The following GATD1 variants were observed in gnomAD, a reference collection of about 807,000 sequenced individuals.
GATD1 encodes the protein glutamine amidotransferase-like class 1 domain-containing protein 1.
GATD1 carries 23 observed loss-of-function variants against 25.9 expected under a neutral mutation model. The ratio of observed to expected loss-of-function variants is 0.89; its 90% CI spans 0.64 to 1.26. The LOEUF (loss-of-function observed/expected upper bound fraction) is 1.26, where lower values mean the gene tolerates loss of function less well. Ranked by LOEUF, GATD1 falls within the 50% of genes most tolerant of loss-of-function variation. GATD1 has a pLI of 0.00. For missense variants in GATD1, 347 were observed against 312.5 expected, an observed-to-expected ratio of 1.11 and a Z score of -0.83; for synonymous variants, 177 against 134.6, an observed-to-expected ratio of 1.31 and a Z score of -2.18.
chr11:770,647 C>T lies in GATD1; in HGVS notation c.*250G>A, dbSNP rs941901535. The T allele has an allele frequency of 1.4e-6, 2 of 1,419,882 alleles. No individual in the cohort carries two copies. The highest frequency in any genetic ancestry group is 2.9e-5 in the Admixed American group (1 of 34,738). The allele number at this position is 1,419,882 out of a possible 1,614,324, so 88.0% of individuals were successfully genotyped here. A position where few individuals can be genotyped will look rare whatever the true frequency, so the allele number is the denominator to read the frequency against. On this transcript the variant is annotated 3_prime_UTR_variant, in exon 8 of 8. Transcript: ENST00000319863. ...CCACCTAGCAGCTAGCACAGCTCTC[C>T]AGGCACGTGGGGTCTTTTCTCTGCC...
rs1442698280 is a variant in GATD1, at chr11:769,153, G to A, written c.*1744C>T. 2.5e-5 allele frequency: 25 copies of A among 985,238 alleles called. No homozygotes were observed. Among genetic ancestry groups the A allele is most frequent in the East Asian group, 1.1e-4 (1 of 8,806 alleles). 61.0% of individuals were successfully genotyped at this position (985,238 alleles called of 1,614,324 possible). A position where few individuals can be genotyped will look rare whatever the true frequency, so the allele number is the denominator to read the frequency against. ...TGTCCACAGAGGTCCATCACCACAC[G>A]GGGATGAGAGTGGACCCGGGACAGA... On this transcript the variant is annotated 3_prime_UTR_variant, in exon 8 of 8. Coordinates refer to ENST00000319863, the MANE Select transcript of GATD1 (RefSeq NM_182612.4).
In GATD1 at chr11:770,350, G is replaced by T. The variant is rs554411238; in HGVS notation, c.*547C>A. The T allele has an allele frequency of 3.3e-6, 5 of 1,534,612 alleles. No individual in the cohort carries two copies. Among genetic ancestry groups the T allele is most frequent in the Middle Eastern group, 1.7e-4 (1 of 5,980 alleles). ...ACACGCCAGGAAGATTTCTTCAACA[G>T]GAAAGTGCTGCCAGTGCCGGTCGGC... On this transcript the variant is annotated 3_prime_UTR_variant, in exon 8 of 8. Coordinates refer to ENST00000319863, the MANE Select transcript of GATD1 (RefSeq NM_182612.4).
intron 1 of GATD1, 138 bp from the exon 2 acceptor site, chr11:775,280 CT>C: frequency 1.6e-6 from 1 of 629,444 alleles, no homozygotes; most frequent in Non-Finnish European, 2.7e-6. Flanking sequence ...CCAAGAACGA[CT>C]ACTTGAAGCC....
At chr11:775,308 C>T (rs962181324) in intron 1 of GATD1, among the ~76,000 whole-genome samples, 166 bp from the exon 2 acceptor site, 1 of 152,256 alleles carries the variant, frequency 6.6e-6, no homozygotes, top group Admixed American at 6.5e-5. Flanking sequence ...CAGGGCCAGC[C>T]ACCCATTCAC....
rs75350563 is a variant in GATD1, at chr11:774,021, G to C, written c.234C>G (p.Leu78=). The part of the protein sequence containing the change: ...RLKAYASPAK[L]ESIDGARYHA... ...TCCCGGGCCTACCATCGATGGACTCGAGCTTGGCGGGGCTGGCGTAAGCCT... is the reference window on the plus strand; with the variant it reads ...TCCCGGGCCTACCATCGATGGACTCCAGCTTGGCGGGGCTGGCGTAAGCCT... The change falls in exon 3 of 8, where the codon CTC becomes CTG. Residue 78 remains leucine, a synonymous_variant. Transcript: ENST00000319863. The C allele has an allele frequency of 1.9e-6, 3 of 1,613,606 alleles. No individual in the cohort carries two copies. The Admixed American group carries it at 5.0e-5, about 27-fold the overall frequency.
In GATD1 at chr11:775,922, T is replaced by C. The variant is rs535643526; in HGVS notation, c.65-780A>G. ...CAAAGTAGCGTGAGCTGTATCTCTC[T>C]ACATTTATTTTAACTCTGGGGCCCA... On this transcript the variant is annotated intron_variant, in intron 1 of 7. Coordinates refer to ENST00000319863, the MANE Select transcript of GATD1 (RefSeq NM_182612.4). Among the ~76,000 whole-genome samples the C allele has an allele frequency of 3.9e-3, 587 of 150,442 alleles. 2 individuals are homozygous for C. Among genetic ancestry groups the C allele is most frequent in the Non-Finnish European group, 5.6e-3 (381 of 67,492 alleles).
Position 767,402 on chromosome 11 carries a change from G to A in GATD1, c.*3495C>T, listed in dbSNP as rs1247263387. The stretch of plus-strand genomic sequence containing the variant: ...GCAAAGAGAGAACTGTGCACAGCGG[G>A]GAGGCTCTCCAAGCCAGAGGCCTCG... On this transcript the variant is annotated 3_prime_UTR_variant, in exon 8 of 8. Transcript: ENST00000319863. 2.0e-6 allele frequency: 3 copies of A among 1,529,104 alleles called. No individual in the cohort carries two copies. Among genetic ancestry groups the A allele is most frequent in the Non-Finnish European group, 2.6e-6 (3 of 1,143,670 alleles). 94.7% of individuals were successfully genotyped at this position (1,529,104 alleles called of 1,614,324 possible). A position where few individuals can be genotyped will look rare whatever the true frequency, so the allele number is the denominator to read the frequency against.
chr11:772,125 C>T lies in GATD1; in HGVS notation c.450+302G>A, dbSNP rs369949325. Among the ~76,000 whole-genome samples the T allele has an allele frequency of 2.6e-5, 4 of 152,338 alleles. No homozygotes were observed. The East Asian group carries it at 5.8e-4, about 22-fold the overall frequency. On this transcript the variant is annotated intron_variant, in intron 5 of 7. Transcript: ENST00000319863. ...CAAGTCTGATGCCCCTCCCTCCCCACGTCCCCTGGTGAGTGGGCCTGGGCT... is the reference window on the plus strand; with the variant it reads ...CAAGTCTGATGCCCCTCCCTCCCCATGTCCCCTGGTGAGTGGGCCTGGGCT...
At position 773,623 on chromosome 11, in the gene GATD1, C is replaced by T. The variant is rs901450610; in HGVS notation, c.254G>A (p.Arg85Gln). 4.4e-6 allele frequency: 7 copies of T among 1,606,524 alleles called. No individual in the cohort carries two copies. The highest frequency in any genetic ancestry group is 1.3e-5 in the African/African-American group (1 of 74,574). ...PAKLESIDGA[R>Q]YHALLIPSCP... ...GCTGGGGATCAGGAGGGCATGGTAC[C>T]GGGCACCTGGGGGGAGACCACAAAC... The change falls in exon 4 of 8, where the codon CGG becomes CAG. Residue 85 changes from arginine to glutamine, a missense_variant. Arg to Gln is a conservative substitution (Grantham distance 43). Coordinates refer to ENST00000319863, the MANE Select transcript of GATD1 (RefSeq NM_182612.4).
chr11:773,689 C>T (rs1863680385), intron 3 of GATD1, 60 bp from the exon 4 acceptor site: 2 of 1,331,028 alleles, frequency 1.5e-6, no homozygotes, highest in Non-Finnish European at 2.1e-6. Flanking sequence ...ACCTGCAGGA[C>T]CAGGCCCGAG....
Position 774,111 on chromosome 11 carries a change from C to A in GATD1, c.144G>T (p.Gly48=). The change falls in exon 3 of 8, where the codon GGG becomes GGT. Residue 48 remains glycine (G), a splice_region_variant and synonymous_variant. Transcript: ENST00000319863. ...AFNLQVATPG[G]KAMEFVDVTE... ...TCACATCCACAAATTCCATGGCTTTCCCCTGGAGAAGCAGAGCCCAGGGGC... is the reference window on the plus strand; with the variant it reads ...TCACATCCACAAATTCCATGGCTTTACCCTGGAGAAGCAGAGCCCAGGGGC... 1 of 1,612,926 alleles carries A rather than the reference C, an allele frequency of 6.2e-7. No homozygotes were observed. Among genetic ancestry groups the A allele is most frequent in the Non-Finnish European group, 8.5e-7 (1 of 1,179,464 alleles).
Position 774,096 on chromosome 11 carries a change from A to C in GATD1, c.159T>G (p.Phe53Leu). The change falls in exon 3 of 8, where the codon TTT becomes TTG. Residue 53 changes from phenylalanine to leucine, a missense_variant. Physicochemically the swap from Phe to Leu is conservative, Grantham distance 22. Coordinates refer to ENST00000319863, the MANE Select transcript of GATD1 (RefSeq NM_182612.4). ...VATPGGKAMEFVDVTESNARW... is the reference protein window; with the variant it reads ...VATPGGKAMELVDVTESNARW... Reference sequence around the variant, plus strand: ...GTGCATTGCTCTCAGTCACATCCACAAATTCCATGGCTTTCCCCTGGAGAA... The same window carrying C: ...GTGCATTGCTCTCAGTCACATCCACCAATTCCATGGCTTTCCCCTGGAGAA... The C allele has an allele frequency of 1.2e-6, 2 of 1,613,608 alleles. No individual in the cohort carries two copies. The highest frequency in any genetic ancestry group is 1.7e-6 in the Non-Finnish European group (2 of 1,179,952).
In GATD1 at chr11:772,691, C is replaced by T; in HGVS notation, c.356-170G>A. 1.6e-5 allele frequency: 10 copies of T among 629,968 alleles called. 1 individual carries two copies. Among genetic ancestry groups the T allele is most frequent in the South Asian group, 7.3e-5 (4 of 55,156 alleles). 39.0% of individuals were successfully genotyped at this position (629,968 alleles called of 1,614,324 possible). ...CACCCGGGTGTCCTGGCTCAGCCCG[C>T]ACAGCTGGCATCAGGAATCTGCTCG... On this transcript the variant is annotated intron_variant, in intron 4 of 7. Transcript: ENST00000319863.
At chr11:776,453 G>A (rs1863989738) in intron 1 of GATD1, among the ~76,000 whole-genome samples, 1 of 151,958 alleles carries the variant, frequency 6.6e-6, no homozygotes, top group Admixed American at 6.6e-5. Context: ...TCCTCAACAT[G>A]CCGGACCTCC....
rs1042614783 is a variant in GATD1, at chr11:777,458, G to A, written c.5C>T (p.Ala2Val). Residue 2 changes from alanine (A) to valine (V), a missense_variant, in exon 1 of 8, where the codon GCG (alanine) becomes GTG (valine). Physicochemically the swap from Ala to Val is moderately conservative, Grantham distance 64. Coordinates refer to ENST00000319863, the MANE Select transcript of GATD1 (RefSeq NM_182612.4). M[A>V]SERLPNRPAC... ...GGGCCTGTTAGGGAGCCGCTCGGAC[G>A]CCATGGCTCGGGCTCGGCGCTGGGT... is the stretch of plus-strand genomic sequence containing the variant. 2 of 1,240,106 alleles carry A rather than the reference G, an allele frequency of 1.6e-6. No individual in the cohort carries two copies. Among genetic ancestry groups the A allele is most frequent in the Non-Finnish European group, 2.0e-6 (2 of 990,018 alleles). The allele number at this position is 1,240,106 out of a possible 1,614,324, so 76.8% of individuals were successfully genotyped here.
In GATD1 at chr11:770,830, A is replaced by G; in HGVS notation, c.*67T>C. The G allele has an allele frequency of 6.4e-7, 1 of 1,554,894 alleles. No individual in the cohort carries two copies. The highest frequency in any genetic ancestry group is 1.4e-5 in the African/African-American group (1 of 73,852). ...CAGGAGGGAAGAGGCGGGGTCCCTG[A>G]AGCCTGAGACGGGGCTGCCTCTGGA... On this transcript the variant is annotated 3_prime_UTR_variant, in exon 8 of 8. Coordinates refer to ENST00000319863, the MANE Select transcript of GATD1 (RefSeq NM_182612.4).
chr11:774,414 C>G (rs536458335), intron 2 of GATD1, among the ~76,000 whole-genome samples: 1 of 152,248 alleles, frequency 6.6e-6, no homozygotes, highest in East Asian at 1.9e-4. Context: ...CATCTGATAT[C>G]CCTGGGTCCC....
rs1863135685 is a variant in GATD1 at position 767,741 on chromosome 11, C to T, written c.*3156G>A. The T allele has an allele frequency of 5.4e-6, 3 of 554,298 alleles. No homozygotes were observed. The highest frequency in any genetic ancestry group is 1.4e-4 in the South Asian group (2 of 14,784). 34.3% of individuals were successfully genotyped at this position (554,298 alleles called of 1,614,324 possible). ...CAGGGGCACAGCCTCATCATGGGAC[C>T]ATCACCCTCACAAAAGAGGTTGCAT... On this transcript the variant is annotated 3_prime_UTR_variant, in exon 8 of 8. Transcript: ENST00000319863.
rs1863308812 is a variant in GATD1, at chr11:770,202, G to A, written c.*695C>T. 1 of 1,351,822 alleles carries A rather than the reference G, an allele frequency of 7.4e-7. No homozygotes were observed. Among genetic ancestry groups the A allele is most frequent in the Admixed American group, 3.0e-5 (1 of 33,248 alleles). 83.7% of individuals were successfully genotyped at this position (1,351,822 alleles called of 1,614,324 possible). A position where few individuals can be genotyped will look rare whatever the true frequency, so the allele number is the denominator to read the frequency against. ...TAGCCGCTCTACCCGAGGCCACTGT[G>A]CAAGGCCGTGGGGGACAGCACTTTC... is the stretch of plus-strand genomic sequence containing the variant. On this transcript the variant is annotated 3_prime_UTR_variant, in exon 8 of 8. Transcript: ENST00000319863.
Sources: allele counts gnomAD v4.1 joint callset (sites outside exome capture counted in the v4.1 genomes callset), GRCh38; gene constraint gnomAD v4.1.1; transcripts MANE v1.5; gene names NCBI Gene and HGNC (gene_info 2026-07-23, HGNC 2026-07-21).